The following ARAP2 variants were observed in gnomAD, a reference collection of about 807,000 sequenced individuals.
The protein encoded by ARAP2 is ArfGAP with RhoGAP domain, ankyrin repeat and PH domain 2.
Under a neutral mutation model 194.5 loss-of-function variants are expected in ARAP2, and 148 were observed. The ratio of observed to expected loss-of-function variants is 0.76; its 90% confidence interval spans 0.67 to 0.87. ARAP2 has a LOEUF of 0.87. Ranked by LOEUF, ARAP2 falls within the 40% of genes least tolerant of loss-of-function variation. ARAP2 has a pLI of 0.00. For synonymous variants in ARAP2, 695 were observed against 683.5 expected, an observed-to-expected ratio of 1.02 and a Z score of -0.26; for missense variants, 2,128 against 1,989.7, an observed-to-expected ratio of 1.07 and a Z score of -1.32.
At chr4:36,217,392 C>A (rs1271842503) in intron 2 of ARAP2, among the ~76,000 whole-genome samples, 1 of 152,108 alleles carries the variant, frequency 6.6e-6, no homozygotes, top group African/African-American at 2.4e-5. Context: ...GCACGCCAGG[C>A]ACCTGTGATC....
intron 8 of ARAP2, among the ~76,000 whole-genome samples, chr4:36,012,987 T>C (rs1173299780): frequency 6.6e-6 from 1 of 152,202 alleles, no homozygotes. Flanking sequence ...GTTTTGTAAA[T>C]ATAATGCCTT....
At chr4:36,016,607 T>A (rs1274853373) in intron 6 of ARAP2, among the ~76,000 whole-genome samples, 3 of 152,140 alleles carry the variant, frequency 2.0e-5, no homozygotes, top group Admixed American at 2.0e-4. Context: ...ATGGGTATCT[T>A]TGAGGAAGGG....
chr4:36,171,564 G>T (rs1053126600), intron 9 of ARAP2, among the ~76,000 whole-genome samples: 1 of 151,862 alleles, frequency 6.6e-6, no homozygotes, highest in Non-Finnish European at 1.5e-5. Context: ...AGATATACCT[G>T]ATGCTAAATG....
At chr4:36,018,749 A>C (rs1016044944) in intron 6 of ARAP2, among the ~76,000 whole-genome samples, 2 of 152,230 alleles carry the variant, frequency 1.3e-5, no homozygotes, top group African/African-American at 2.4e-5. Context: ...GTGCAGCTAA[A>C]TGTGGCTAAG....
At chr4:36,014,309 G>GA (rs1560264746) in intron 8 of ARAP2, among the ~76,000 whole-genome samples, 25 of 85,188 alleles carry the variant, frequency 2.9e-4, no homozygotes, top group African/African-American at 1.3e-3. Context: ...AGAGAAGGAA[G>GA]GAAAGAAAGA....
intron 21 of ARAP2, among the ~76,000 whole-genome samples, chr4:36,126,169 A>G (rs768394693): frequency 6.6e-6 from 1 of 152,010 alleles, no homozygotes; most frequent in Non-Finnish European, 1.5e-5. Context: ...CACCCAAATT[A>G]CATTCAAAGA....
rs1249433191 is a variant in ARAP2, at chr4:36,066,331, G to A, written c.*1576C>T. On this transcript the variant is annotated 3_prime_UTR_variant, in exon 33 of 33. Coordinates refer to ENST00000303965, the MANE Select transcript of ARAP2 (RefSeq NM_015230.4). Reference sequence around the variant, plus strand: ...TGCTTTAAAGGAAGATTCCCTAATAGTGCCACCTATTTCATAAACTGTCCT... The same window carrying A: ...TGCTTTAAAGGAAGATTCCCTAATAATGCCACCTATTTCATAAACTGTCCT... 1 of 151,864 alleles carries A rather than the reference G, an allele frequency of 6.6e-6. No homozygotes were observed. Among genetic ancestry groups the A allele is most frequent in the East Asian group, 1.9e-4 (1 of 5,188 alleles). The allele number at this position is 151,864 out of a possible 1,614,324, so 9.4% of individuals were successfully genotyped here. A position where few individuals can be genotyped will look rare whatever the true frequency, so the allele number is the denominator to read the frequency against.
chr4:36,210,762 T>C lies in ARAP2; in HGVS notation c.1134-19A>G. ...GTATATGCTAAACGGAAAAATGATG[T>C]AAACATTTCAAAGTGCTATATGTGA... On this transcript the variant is annotated intron_variant, in intron 5 of 32. Transcript: ENST00000303965. The C allele has an allele frequency of 1.3e-6, 2 of 1,504,356 alleles. No homozygotes were observed. The highest frequency in any genetic ancestry group is 1.8e-6 in the Non-Finnish European group (2 of 1,116,128). The allele number at this position is 1,504,356 out of a possible 1,614,324, so 93.2% of individuals were successfully genotyped here.
At chr4:36,013,522 G>A (rs1057232127) in intron 8 of ARAP2, among the ~76,000 whole-genome samples, 1 of 152,160 alleles carries the variant, frequency 6.6e-6, no homozygotes. Context: ...TATGGATACA[G>A]GGTGTTTGGG....
At chr4:36,092,156 G>T in intron 27 of ARAP2, 136 bp from the exon 28 acceptor site, 2 of 981,868 alleles carry the variant, frequency 2.0e-6, no homozygotes, top group Non-Finnish European at 2.9e-6. Context: ...GTGAACTTCC[G>T]GGAATACCAT....
chr4:36,219,252 G>A (rs1165940905), intron 2 of ARAP2, among the ~76,000 whole-genome samples: 1 of 152,116 alleles, frequency 6.6e-6, no homozygotes, highest in Non-Finnish European at 1.5e-5. Flanking sequence ...ATACAAATAT[G>A]CCTCAAGAAT....
chr4:36,217,329 T>C lies in ARAP2; in HGVS notation c.906-2849A>G, dbSNP rs188556240. Among the ~76,000 whole-genome samples the C allele has an allele frequency of 1.6e-3, 245 of 152,238 alleles. 1 individual carries two copies. The highest frequency in any genetic ancestry group is 2.4e-3 in the Non-Finnish European group (163 of 68,000). On this transcript the variant is annotated intron_variant, in intron 2 of 32. Transcript: ENST00000303965. ...GAGTTTGAGACCAGCCTGGCCAACA[T>C]GGAGAAACCCCATATCTACTAAAAA...
rs774849127 is a variant in ARAP2 at position 36,160,446 on chromosome 4, T to C, written c.2442+13A>G. On this transcript the variant is annotated intron_variant, in intron 13 of 32. Transcript: ENST00000303965. ...ATTAAAATCCACGTCTGCTGTTATGTTTAATTGAATACCTTATTTAATTCT... is the reference window on the plus strand; with the variant it reads ...ATTAAAATCCACGTCTGCTGTTATGCTTAATTGAATACCTTATTTAATTCT... The C allele has an allele frequency of 3.3e-6, 5 of 1,526,532 alleles. No homozygotes were observed. Among genetic ancestry groups the C allele is most frequent in the Non-Finnish European group, 4.4e-6 (5 of 1,143,928 alleles). 94.6% of individuals were successfully genotyped at this position (1,526,532 alleles called of 1,614,324 possible). A position where few individuals can be genotyped will look rare whatever the true frequency, so the allele number is the denominator to read the frequency against.
intron 24 of ARAP2, among the ~76,000 whole-genome samples, chr4:36,118,416 A>C (rs2109527813): frequency 6.6e-6 from 1 of 151,482 alleles, no homozygotes; most frequent in South Asian, 2.1e-4. Flanking sequence ...AAAATACTCC[A>C]GAAGACAGTT....
At chr4:36,070,991 T>C (rs1396199374) in intron 32 of ARAP2, among the ~76,000 whole-genome samples, 1 of 152,166 alleles carries the variant, frequency 6.6e-6, no homozygotes, top group Non-Finnish European at 1.5e-5. Flanking sequence ...CACATCAAAC[T>C]GTGCTCAGGA....
At chr4:36,109,192 TTACCA>T (rs1719201938) in intron 26 of ARAP2, among the ~76,000 whole-genome samples, 1 of 151,894 alleles carries the variant, frequency 6.6e-6, no homozygotes, top group Non-Finnish European at 1.5e-5. Flanking sequence ...CCAATGTAAA[TTACCA>T]GATGTTTGCT....
In ARAP2 at chr4:36,214,570, A is replaced by C; in HGVS notation, c.906-90T>G. On this transcript the variant is annotated intron_variant, in intron 2 of 32. Coordinates refer to ENST00000303965, the MANE Select transcript of ARAP2 (RefSeq NM_015230.4). ...AAATTATTAGAAAATATTATGAGAA[A>C]ATATTTATGATTTATATTTAAGTGA... 3 of 795,206 alleles carry C rather than the reference A, an allele frequency of 3.8e-6. No individual in the cohort carries two copies. In the East Asian group the frequency reaches 9.6e-5, roughly 25 times the overall value. The allele number at this position is 795,206 out of a possible 1,614,324, so 49.3% of individuals were successfully genotyped here. A position where few individuals can be genotyped will look rare whatever the true frequency, so the allele number is the denominator to read the frequency against.
intron 3 of ARAP2, among the ~76,000 whole-genome samples, chr4:36,048,588 T>C (rs951974301): frequency 2.0e-5 from 3 of 152,182 alleles, no homozygotes; most frequent in African/African-American, 7.2e-5. Flanking sequence ...TGAATCATAT[T>C]TGCTTTATCC....
intron 11 of ARAP2, among the ~76,000 whole-genome samples, chr4:36,162,329 T>C (rs1314818847): frequency 6.6e-6 from 1 of 152,156 alleles, no homozygotes; most frequent in African/African-American, 2.4e-5. Context: ...ACTAGTTACA[T>C]GTCTAATAAG....
Sources: allele counts gnomAD v4.1 joint callset (sites outside exome capture counted in the v4.1 genomes callset), GRCh38; gene constraint gnomAD v4.1.1; transcripts MANE v1.5; gene names NCBI Gene and HGNC (gene_info 2026-07-23, HGNC 2026-07-21).